Variants in CACNG3 observed in about 807,000 individuals in gnomAD.
CACNG3 encodes calcium voltage-gated channel auxiliary subunit gamma 3, also known as voltage-dependent calcium channel gamma-3 subunit.
In CACNG3, 3 loss-of-function variants were observed where a neutral mutation model predicts 28.5. The ratio of observed to expected loss-of-function variants is 0.11; its 90% confidence interval spans 0.05 to 0.27. CACNG3 has a LOEUF of 0.27. CACNG3 is among the 10% of genes least tolerant of loss of function. The pLI is 1.00. For synonymous variants in CACNG3, 174 were observed against 162.2 expected (o/e 1.07, Z -0.55); for missense variants, 236 against 414.4 (o/e 0.57, Z 3.74).
At chr16:24,305,969 G>A (rs1168685682) in intron 1 of CACNG3, among the ~76,000 whole-genome samples, 2 of 152,066 alleles carry the variant, frequency 1.3e-5, no homozygotes, top group African/African-American at 2.4e-5. Flanking sequence ...CACTGTGCCT[G>A]GCCTGTATAT....
chr16:24,265,994 G>C (rs1024695354), intron 1 of CACNG3, among the ~76,000 whole-genome samples: 7 of 152,112 alleles, frequency 4.6e-5, no homozygotes, highest in Non-Finnish European at 8.8e-5. Context: ...GTTTTGAATT[G>C]CTTTTCTTTT....
intron 1 of CACNG3, among the ~76,000 whole-genome samples, chr16:24,337,787 A>G (rs1899731362): frequency 1.3e-5 from 2 of 151,756 alleles, no homozygotes; most frequent in Admixed American, 6.6e-5. Context: ...AGTTACCCCA[A>G]ATCTGGTGGT....
At chr16:24,355,026 G>C in intron 3 of CACNG3, 53 bp downstream of exon 3, 2 of 1,563,474 alleles carry the variant, frequency 1.3e-6, no homozygotes, top group South Asian at 2.3e-5. Context: ...ACTGAAGCCA[G>C]GGCCACATGG....
At chr16:24,304,326 C>T (rs35723567) in intron 1 of CACNG3, among the ~76,000 whole-genome samples, 3,507 of 152,116 alleles carry the variant, frequency 0.023, 61 homozygotes, top group Middle Eastern at 0.044. Flanking sequence ...AGAGTATTAC[C>T]TTCTTAGTGC....
intron 1 of CACNG3, among the ~76,000 whole-genome samples, chr16:24,310,441 G>A (rs1899245589): frequency 6.6e-6 from 1 of 152,126 alleles, no homozygotes; most frequent in South Asian, 2.1e-4. Context: ...GCGCATGCCT[G>A]TAATCCCAGC....
At chr16:24,345,232 C>T (rs144266102) in intron 1 of CACNG3, among the ~76,000 whole-genome samples, 2 of 152,280 alleles carry the variant, frequency 1.3e-5, no homozygotes, top group Admixed American at 6.5e-5. Context: ...CCGTTTCCCA[C>T]GACATCACAA....
At chr16:24,334,748 T>C (rs771419824) in intron 1 of CACNG3, among the ~76,000 whole-genome samples, 2 of 152,250 alleles carry the variant, frequency 1.3e-5, no homozygotes, top group Non-Finnish European at 2.9e-5. Context: ...GAAAGCTCTG[T>C]CTGGCCTTTG....
chr16:24,354,701 T>C, intron 2 of CACNG3, 132 bp from the exon 3 acceptor site: 1 of 869,956 alleles, frequency 1.1e-6, no homozygotes, highest in East Asian at 2.5e-5. Flanking sequence ...GCGCCTGGTC[T>C]CATGCCCGTG....
At chr16:24,266,145 C>A (rs1166813912) in intron 1 of CACNG3, among the ~76,000 whole-genome samples, 1 of 152,134 alleles carries the variant, frequency 6.6e-6, no homozygotes, top group Non-Finnish European at 1.5e-5. Context: ...GCACAGGGAA[C>A]AGTAACTGCT....
chr16:24,296,490 G>A (rs754120794), intron 1 of CACNG3, among the ~76,000 whole-genome samples: 6 of 152,070 alleles, frequency 3.9e-5, no homozygotes, highest in South Asian at 2.1e-4. Flanking sequence ...CGATACTACC[G>A]TTATCTCTGA....
chr16:24,356,906 T>C (rs1900039799), intron 3 of CACNG3, among the ~76,000 whole-genome samples: 5 of 152,166 alleles, frequency 3.3e-5, no homozygotes, highest in Middle Eastern at 3.4e-3. Flanking sequence ...AGCAAAGTCA[T>C]GTCTTAACAT....
chr16:24,356,724 T>C (rs567038195), intron 3 of CACNG3, among the ~76,000 whole-genome samples: 1 of 152,114 alleles, frequency 6.6e-6, no homozygotes, highest in South Asian at 2.1e-4. Flanking sequence ...ATCATAATGA[T>C]AATAGTACCA....
intron 1 of CACNG3, among the ~76,000 whole-genome samples, chr16:24,317,680 GAAA>G: frequency 9.8e-6 from 1 of 102,312 alleles, no homozygotes; most frequent in East Asian, 2.9e-4. Context: ...AAGAAAGAAA[GAAA>G]GAAAGAAAGA....
chr16:24,304,844 G>A (rs1469905739), intron 1 of CACNG3, among the ~76,000 whole-genome samples: 3 of 152,144 alleles, frequency 2.0e-5, no homozygotes, highest in African/African-American at 7.2e-5. Context: ...TTACAGGCAT[G>A]AGCCACCGCG....
chr16:24,336,317 G>A (rs1899708155), intron 1 of CACNG3, among the ~76,000 whole-genome samples: 1 of 151,282 alleles, frequency 6.6e-6, no homozygotes, highest in Admixed American at 6.6e-5. Context: ...TGTCTCCCAG[G>A]CTGGACTGTA....
Position 24,317,590 on chromosome 16 carries a change from GAAA to G in CACNG3, c.212-29143_212-29141del. ...AGAAAGAAAGAAAGAAAGAAAGAAAGAAAGAAAGAAAGAAAGAAAGAAAGAAAG... is the reference window on the plus strand; with the variant it reads ...AGAAAGAAAGAAAGAAAGAAAGAAAGGAAAGAAAGAAAGAAAGAAAGAAAG... On this transcript the variant is annotated intron_variant, in intron 1 of 3. Coordinates refer to ENST00000005284, the MANE Select transcript of CACNG3 (RefSeq NM_006539.4). Among the ~76,000 whole-genome samples, 2 of 59,004 alleles carry G rather than the reference GAAA, an allele frequency of 3.4e-5. 1 individual carries two copies. The highest frequency in any genetic ancestry group is 4.3e-4 in the Admixed American group (2 of 4,690). 38.7% of individuals were successfully genotyped at this position (59,004 alleles called of 152,430 possible).
At chr16:24,343,860 C>T (rs1008253259) in intron 1 of CACNG3, among the ~76,000 whole-genome samples, 8 of 151,946 alleles carry the variant, frequency 5.3e-5, no homozygotes, top group Non-Finnish European at 8.8e-5. Flanking sequence ...GAGTCTGAGA[C>T]GGGTAGATCA....
intron 1 of CACNG3, among the ~76,000 whole-genome samples, chr16:24,279,296 T>C (rs1394891903): frequency 1.3e-5 from 2 of 152,120 alleles, no homozygotes; most frequent in African/African-American, 4.8e-5. Flanking sequence ...GGAATAGTTT[T>C]ATTTTTATTT....
rs764770670 is a variant in CACNG3 at position 24,361,615 on chromosome 16, C to T, written c.700C>T (p.Arg234Trp). 5 of 1,613,354 alleles carry T rather than the reference C, an allele frequency of 3.1e-6. No homozygotes were observed. The highest frequency in any genetic ancestry group is 2.2e-5 in the East Asian group (1 of 44,854). Residue 234 changes from arginine (R) to tryptophan (W), a missense_variant, in exon 4 of 4, where the codon CGG becomes TGG. Arg to Trp is a moderately radical substitution (Grantham distance 101). Transcript: ENST00000005284. This position sits in a 1 kb window ranked among gnomAD's most constrained non-coding sequence, Gnocchi z 6.8. ...ACCCTACAGGTATCGATTCCGGAGG[C>T]GGTCAAGTTCTCGCTCCACCGAGCC... ...LPPYRYRFRR[R>W]SSSRSTEPRS...
Sources: allele counts gnomAD v4.1 joint callset (sites outside exome capture counted in the v4.1 genomes callset), GRCh38; gene constraint gnomAD v4.1.1; non-coding constraint Gnocchi (gnomAD v3.1); transcripts MANE v1.5; gene names NCBI Gene and HGNC (gene_info 2026-07-23, HGNC 2026-07-21).